The following CBLB variants were observed in gnomAD, a reference collection of about 807,000 sequenced individuals.
CBLB encodes the protein Cbl proto-oncogene B, also known as E3 ubiquitin-protein ligase CBL-B.
A neutral mutation model predicts 104.9 loss-of-function variants in CBLB; 31 were observed. The observed-to-expected ratio is 0.30, with a 90% CI of 0.22 to 0.40. The LOEUF (loss-of-function observed/expected upper bound fraction) is 0.40. Ranked by LOEUF, CBLB falls within the 10% of genes least tolerant of loss-of-function variation. The pLI is 1.00. For synonymous variants in CBLB, 440 were observed against 422.6 expected, an observed-to-expected ratio of 1.04 and a Z score of -0.51; for missense variants, 1,062 against 1,214.6, an observed-to-expected ratio of 0.87 and a Z score of 1.87.
intron 3 of CBLB, among the ~76,000 whole-genome samples, chr3:105,809,212 A>T (rs951281480): frequency 6.6e-6 from 1 of 152,256 alleles, no homozygotes; most frequent in Non-Finnish European, 1.5e-5. Flanking sequence ...TTATAATAAC[A>T]TCAGAAGTAG....
chr3:105,713,177 T>C (rs1441970219), intron 10 of CBLB, among the ~76,000 whole-genome samples: 1 of 152,262 alleles, frequency 6.6e-6, no homozygotes, highest in East Asian at 1.9e-4. Context: ...ACTGTTCTAA[T>C]GGCTTTTTAT....
chr3:105,822,137 TATGAAC>T (rs1349423792), intron 3 of CBLB, among the ~76,000 whole-genome samples: 2 of 152,178 alleles, frequency 1.3e-5, no homozygotes, highest in Non-Finnish European at 2.9e-5. Flanking sequence ...GCAACTATAA[TATGAAC>T]ATATATGGTG....
chr3:105,677,814 TAATA>T lies in CBLB; in HGVS notation c.2569+613_2569+616del, dbSNP rs1335596422. 5.4e-5 allele frequency among the ~76,000 whole-genome samples: 8 copies of T among 148,858 alleles called. No individual in the cohort carries two copies. The Admixed American group carries it at 5.4e-4, about 10-fold the overall frequency. ...CTAATATTAAACAAATAATATTATA[TAATA>T]TATACATATGTAAATAATAATATTA... On this transcript the variant is annotated intron_variant, in intron 17 of 18. Coordinates refer to ENST00000394030, the MANE Select transcript of CBLB (RefSeq NM_170662.5).
In CBLB at chr3:105,737,478, C is replaced by T. The variant is rs181271092; in HGVS notation, c.984-220G>A. Among the ~76,000 whole-genome samples the T allele has an allele frequency of 5.5e-3, 830 of 152,066 alleles. 9 individuals carry two copies. The highest frequency in any genetic ancestry group is 0.019 in the African/African-American group (781 of 41,506). The stretch of plus-strand genomic sequence containing the variant: ...ATAAGAAATACATAATGAATATAGC[C>T]TAACCCACTAAGCAACCATTTTCAA... On this transcript the variant is annotated intron_variant, in intron 7 of 18. Transcript: ENST00000394030.
At position 105,693,487 on chromosome 3, in the gene CBLB, A is replaced by C; in HGVS notation, c.2054+7T>G. On this transcript the variant is annotated splice_region_variant and intron_variant, in intron 13 of 18. Coordinates refer to ENST00000394030, the MANE Select transcript of CBLB (RefSeq NM_170662.5). ...GACAAGTGATCTCCAAATTCAACAA[A>C]ACTCACTTTATGCTAGGGAGGAGGG... 2 of 1,595,392 alleles carry C rather than the reference A, an allele frequency of 1.3e-6. No individual in the cohort carries two copies. The highest frequency in any genetic ancestry group is 2.7e-5 in the African/African-American group (2 of 74,616).
chr3:105,740,983 AAAAT>A (rs1228483849), intron 6 of CBLB, among the ~76,000 whole-genome samples: 1 of 152,210 alleles, frequency 6.6e-6, no homozygotes, highest in African/African-American at 2.4e-5. Context: ...ATGTAAAAAT[AAAAT>A]AAATAAGTAA....
intron 13 of CBLB, among the ~76,000 whole-genome samples, chr3:105,689,460 T>C (rs2067400945): frequency 6.7e-6 from 1 of 149,822 alleles, no homozygotes; most frequent in Non-Finnish European, 1.5e-5. Flanking sequence ...ATATCAAAAG[T>C]ACAAAAGGTC....
rs190814560 is a variant in CBLB at position 105,794,099 on chromosome 3, C to T, written c.420-17557G>A. Among the ~76,000 whole-genome samples the T allele has an allele frequency of 7.6e-3, 1,160 of 152,256 alleles. 8 individuals carry two copies. The highest frequency in any genetic ancestry group is 0.034 in the Middle Eastern group (10 of 294). ...TGCCCATCTGACTCAATGAACTCAA[C>T]TGAAAATGTAACACAAAATACAAAG... On this transcript the variant is annotated intron_variant, in intron 3 of 18. Transcript: ENST00000394030.
In CBLB at chr3:105,681,618, A is replaced by G; in HGVS notation, c.2297-8T>C. 5 of 1,614,158 alleles carry G rather than the reference A, an allele frequency of 3.1e-6. No individual in the cohort carries two copies. Among genetic ancestry groups the G allele is most frequent in the Middle Eastern group, 1.6e-4 (1 of 6,062 alleles). On this transcript the variant is annotated splice_polypyrimidine_tract_variant and splice_region_variant and intron_variant, in intron 15 of 18. Coordinates refer to ENST00000394030, the MANE Select transcript of CBLB (RefSeq NM_170662.5). ...CTGAATCAAAAACATCTCCTAGAGG[A>G]TAACACAAAACCTTAATGTATTTTC... is the stretch of plus-strand genomic sequence containing the variant.
At chr3:105,792,809 CA>C (rs2081836731) in intron 3 of CBLB, among the ~76,000 whole-genome samples, 1 of 152,192 alleles carries the variant, frequency 6.6e-6, no homozygotes, top group African/African-American at 2.4e-5. Context: ...TAATCTCCAT[CA>C]ATCACCATTA....
chr3:105,752,219 G>A (rs914557803), intron 4 of CBLB, among the ~76,000 whole-genome samples: 6 of 152,126 alleles, frequency 3.9e-5, no homozygotes, highest in African/African-American at 1.4e-4. Flanking sequence ...TTATATCATG[G>A]GAGTTTATTC....
intron 3 of CBLB, among the ~76,000 whole-genome samples, chr3:105,801,598 T>C (rs756580394): frequency 6.6e-6 from 1 of 152,246 alleles, no homozygotes; most frequent in Admixed American, 6.5e-5. Context: ...AATGGTCTTC[T>C]TCACTTTCTT....
chr3:105,725,729 C>T (rs570307633), intron 9 of CBLB, among the ~76,000 whole-genome samples: 60 of 152,260 alleles, frequency 3.9e-4, no homozygotes, highest in African/African-American at 1.3e-3. Flanking sequence ...TTAAAACGTT[C>T]GTAAAGGCAA....
At chr3:105,721,342 G>C (rs1460981417) in intron 9 of CBLB, among the ~76,000 whole-genome samples, 1 of 152,106 alleles carries the variant, frequency 6.6e-6, no homozygotes, top group Non-Finnish European at 1.5e-5. Context: ...AGTGATGTTT[G>C]GATCAAGGAT....
At chr3:105,774,527 T>A (rs559691134) in intron 4 of CBLB, among the ~76,000 whole-genome samples, 41 of 152,294 alleles carry the variant, frequency 2.7e-4, no homozygotes, top group African/African-American at 9.6e-4. Context: ...GCTTTCTCAA[T>A]TCAGTAAAAA....
At chr3:105,836,406 A>G (rs1275448395) in intron 3 of CBLB, among the ~76,000 whole-genome samples, 1 of 152,224 alleles carries the variant, frequency 6.6e-6, no homozygotes, top group Non-Finnish European at 1.5e-5. Context: ...AATTAAATTT[A>G]ATTGTGTAAG....
chr3:105,848,864 C>T (rs1432852094), intron 3 of CBLB, among the ~76,000 whole-genome samples: 1 of 152,064 alleles, frequency 6.6e-6, no homozygotes, highest in Non-Finnish European at 1.5e-5. Context: ...GTTGTCATAC[C>T]GATTAGGTGG....
chr3:105,680,768 A>G (rs997707693), intron 16 of CBLB, among the ~76,000 whole-genome samples: 1 of 152,224 alleles, frequency 6.6e-6, no homozygotes, highest in African/African-American at 2.4e-5. Flanking sequence ...TTTATGTTAC[A>G]GTGACTTGTT....
At chr3:105,759,502 C>A (rs541878424) in intron 4 of CBLB, among the ~76,000 whole-genome samples, 1 of 152,334 alleles carries the variant, frequency 6.6e-6, no homozygotes, top group South Asian at 2.1e-4. Context: ...GGGTCACCTG[C>A]AGGCCCATGC....
Sources: allele counts gnomAD v4.1 joint callset (sites outside exome capture counted in the v4.1 genomes callset), GRCh38; gene constraint gnomAD v4.1.1; transcripts MANE v1.5; gene names NCBI Gene and HGNC (gene_info 2026-07-23, HGNC 2026-07-21).